Variants in PCDH15 observed in about 807,000 individuals in gnomAD.
The protein encoded by PCDH15 is protocadherin related 15, also known as protocadherin-15.
A neutral mutation model predicts 178.5 loss-of-function variants in PCDH15; 129 were observed. The ratio of observed to expected loss-of-function variants is 0.72; its 90% CI spans 0.63 to 0.84. The LOEUF is 0.84. Ranked by LOEUF, PCDH15 falls within the 40% of genes least tolerant of loss-of-function variation. PCDH15 has a pLI of 0.00. For missense variants in PCDH15, 2,230 were observed against 2,099.9 expected, an observed-to-expected ratio of 1.06 and a Z score of -1.21; for synonymous variants, 800 against 732.0, an observed-to-expected ratio of 1.09 and a Z score of -1.50.
At chr10:53,837,395 A>G (rs1359474106) in intron 29 of PCDH15, among the ~76,000 whole-genome samples, 1 of 152,140 alleles carries the variant, frequency 6.6e-6, no homozygotes, top group Non-Finnish European at 1.5e-5. Context: ...AAATACCGAT[A>G]AGCTGGCCAA....
Position 53,866,590 on chromosome 10 carries a change from C to G in PCDH15, c.3717+52G>C. ...AAGTTCTATAAACTGAAAACACTGA[C>G]CTATGGCTAGTATCGTAGCTACTTC... On this transcript the variant is annotated intron_variant, in intron 27 of 37. Coordinates refer to ENST00000644397, the MANE Select transcript of PCDH15 (RefSeq NM_001384140.1). The G allele has an allele frequency of 2.2e-6, 3 of 1,340,970 alleles. No homozygotes were observed. The South Asian group carries it at 3.5e-5, about 16-fold the overall frequency. 83.1% of individuals were successfully genotyped at this position (1,340,970 alleles called of 1,614,324 possible). A position where few individuals can be genotyped will look rare whatever the true frequency, so the allele number is the denominator to read the frequency against.
chr10:54,670,836 C>T (rs1448497226), intron 1 of PCDH15, among the ~76,000 whole-genome samples: 1 of 152,116 alleles, frequency 6.6e-6, no homozygotes, highest in African/African-American at 2.4e-5. Context: ...TCCATTTCCT[C>T]ACAATGACTT....
At position 55,016,811 on chromosome 10, in the gene PCDH15, C is replaced by A. The variant is rs554288277; in HGVS notation, c.-79-119311G>T. Among the ~76,000 whole-genome samples the A allele has an allele frequency of 3.9e-5, 6 of 152,108 alleles. No individual in the cohort carries two copies. In the East Asian group the frequency reaches 1.2e-3, roughly 29 times the overall value. On this transcript the variant is annotated intron_variant, in intron 2 of 5. Coordinates refer to the PCDH15 transcript ENST00000458638. ...TGAACCAAATAATCCAGTAACATAC[C>A]TTTTATTGATTTTCTCTTCTGTCTT...
intron 1 of PCDH15, among the ~76,000 whole-genome samples, chr10:55,270,494 C>T (rs1471876891): frequency 6.6e-6 from 1 of 151,426 alleles, no homozygotes; most frequent in African/African-American, 2.4e-5. Context: ...TATGAACAGA[C>T]ACTTCGCAAA....
At chr10:55,412,879 TCACACACACACACACACA>T (rs71014485) in intron 2 of PCDH15, among the ~76,000 whole-genome samples, 2 of 134,824 alleles carry the variant, frequency 1.5e-5, no homozygotes, top group South Asian at 2.5e-4. Flanking sequence ...TCAACAATAA[TCACACACACACACACACA>T]CACACACACA....
chr10:54,899,998 T>C (rs1053138934), intron 2 of PCDH15, among the ~76,000 whole-genome samples: 7 of 152,292 alleles, frequency 4.6e-5, no homozygotes, highest in Admixed American at 3.9e-4. Context: ...ATTAGTATTC[T>C]TTATCTGCCT....
In PCDH15 at chr10:53,866,128, T is replaced by C. The variant is rs151066565; in HGVS notation, c.3717+514A>G. Among the ~76,000 whole-genome samples the C allele has an allele frequency of 3.0e-4, 45 of 152,272 alleles. 1 individual carries two copies. In the East Asian group the frequency reaches 8.3e-3, roughly 28 times the overall value. On this transcript the variant is annotated intron_variant, in intron 27 of 37. Coordinates refer to ENST00000644397, the MANE Select transcript of PCDH15 (RefSeq NM_001384140.1). ...ACTTAGTCAAGGCTAAACAATGTCA[T>C]CATTGGGAATTTTGATAGAACAAAG...
chr10:54,435,514 A>G (rs536188612), intron 3 of PCDH15, among the ~76,000 whole-genome samples: 10 of 152,268 alleles, frequency 6.6e-5, no homozygotes, highest in African/African-American at 2.4e-4. Flanking sequence ...CCGAACAAAT[A>G]TCTGTGGAAA....
chr10:53,933,326 T>C (rs538602933), intron 25 of PCDH15, among the ~76,000 whole-genome samples: 92 of 150,030 alleles, frequency 6.1e-4, no homozygotes, highest in African/African-American at 1.9e-3. Flanking sequence ...CCTCCCCCCT[T>C]CCCCCACCCC....
At chr10:54,408,124 A>G (rs1952944276) in intron 3 of PCDH15, among the ~76,000 whole-genome samples, 1 of 150,448 alleles carries the variant, frequency 6.6e-6, no homozygotes, top group Admixed American at 6.6e-5. Flanking sequence ...TAACCCTAGG[A>G]GTTTTCTTCA....
chr10:53,968,960 A>G (rs1224495422), intron 21 of PCDH15, among the ~76,000 whole-genome samples: 5 of 152,220 alleles, frequency 3.3e-5, no homozygotes, highest in African/African-American at 1.2e-4. Flanking sequence ...CTCCAAAGGA[A>G]CACAGCTCCT....
intron 1 of PCDH15, among the ~76,000 whole-genome samples, chr10:55,296,031 T>C (rs1283683235): frequency 6.6e-6 from 1 of 152,118 alleles, no homozygotes; most frequent in Non-Finnish European, 1.5e-5. Flanking sequence ...CTGTAATGAC[T>C]CACGATTCAG....
chr10:53,919,043 A>G (rs1403179177), intron 25 of PCDH15, among the ~76,000 whole-genome samples: 1 of 152,094 alleles, frequency 6.6e-6, no homozygotes, highest in African/African-American at 2.4e-5. Context: ...CTTCTGTTGC[A>G]TCAGTCTGAC....
intron 2 of PCDH15, among the ~76,000 whole-genome samples, chr10:55,104,012 G>T (rs1227567130): frequency 6.6e-6 from 1 of 151,896 alleles, no homozygotes; most frequent in Non-Finnish European, 1.5e-5. Flanking sequence ...AAAACTTGAG[G>T]TTAGCAGGTT....
At chr10:54,341,247 T>G (rs559382520) in intron 6 of PCDH15, among the ~76,000 whole-genome samples, 45 of 152,028 alleles carry the variant, frequency 3.0e-4, no homozygotes, top group Non-Finnish European at 5.6e-4. Context: ...GTAATCCCCA[T>G]GTATTGAGGG....
At chr10:54,758,156 C>T (rs898813006) in intron 1 of PCDH15, among the ~76,000 whole-genome samples, 1 of 152,046 alleles carries the variant, frequency 6.6e-6, no homozygotes, top group African/African-American at 2.4e-5. Flanking sequence ...TTAATAGTTC[C>T]TCAAATTAAA....
Position 55,382,009 on chromosome 10 carries a change from A to G in PCDH15, c.-155-215358T>C, listed in dbSNP as rs1368860535. Among the ~76,000 whole-genome samples, 3 of 152,256 alleles carry G rather than the reference A, an allele frequency of 2.0e-5. No individual in the cohort carries two copies. The East Asian group carries it at 5.8e-4, about 29-fold the overall frequency. On this transcript the variant is annotated intron_variant, in intron 2 of 5. Transcript: ENST00000613346. ...CAGATCCTAAAAGAAATTTGTTTGA[A>G]TCTCTATATCCAGCTACAGCTATAA...
chr10:53,963,750 T>A (rs2088631057), intron 21 of PCDH15, among the ~76,000 whole-genome samples: 1 of 152,126 alleles, frequency 6.6e-6, no homozygotes, highest in South Asian at 2.1e-4. Flanking sequence ...TCCTTTCTCT[T>A]AAGCCCCATA....
At chr10:54,717,034 T>G (rs1203688449) in intron 1 of PCDH15, among the ~76,000 whole-genome samples, 1 of 148,798 alleles carries the variant, frequency 6.7e-6, no homozygotes, top group Admixed American at 6.7e-5. Context: ...TAAAAAATGG[T>G]GCTGGGAAAA....
Sources: gnomAD v4.1 joint callset for allele counts (sites outside exome capture counted in the v4.1 genomes callset) on GRCh38, gnomAD v4.1.1 for gene constraint, MANE v1.5 for transcripts, NCBI Gene and HGNC (gene_info 2026-07-23, HGNC 2026-07-21) for gene names.